The following OXNAD1 variants were observed in gnomAD, a reference collection of about 807,000 sequenced individuals.
OXNAD1 encodes oxidoreductase NAD-binding domain-containing protein 1.
In OXNAD1, 34 loss-of-function variants were observed where a neutral mutation model predicts 32.9. The observed-to-expected ratio is 1.03, with a 90% CI of 0.79 to 1.38. OXNAD1 has a LOEUF of 1.38. OXNAD1 is among the 40% of genes most tolerant of loss of function. The pLI is 0.00. For missense variants in OXNAD1, 407 were observed against 379.4 expected, an observed-to-expected ratio of 1.07 and a Z score of -0.60; for synonymous variants, 134 against 135.2, an observed-to-expected ratio of 0.99 and a Z score of 0.06.
Position 16,346,796 on chromosome 3 carries a change from CCA to C in OXNAD1, c.*31-2377_*31-2376del, listed in dbSNP as rs1464988631. Among the ~76,000 whole-genome samples, 13 of 152,220 alleles carry C rather than the reference CCA, an allele frequency of 8.5e-5. No homozygotes were observed. Among genetic ancestry groups the C allele is most frequent in the South Asian group, 2.1e-4 (1 of 4,822 alleles). On this transcript the variant is annotated intron_variant, in intron 9 of 9. Coordinates refer to the OXNAD1 transcript ENST00000606098. The surrounding 1 kb of genome is among the most constrained non-coding windows in gnomAD (Gnocchi z 4.4). ...CATTTGCATGAGACACCTAGAATTG[CCA>C]CAGTCACCTTGTGAGGAGGATCATA...
In OXNAD1 at chr3:16,289,347, A is replaced by G. The variant is rs76046459; in HGVS notation, c.290+2899A>G. ...ACCACTGATGCCCCAGTCAGTACTC[A>G]ATCCACACTTGGCTGGGTATAGCTT... On this transcript the variant is annotated intron_variant, in intron 5 of 8. Transcript: ENST00000285083. The surrounding 1 kb of genome is among the most constrained non-coding windows in gnomAD (Gnocchi z 4.9). 0.021 allele frequency among the ~76,000 whole-genome samples: 3,136 copies of G among 152,226 alleles called. 53 individuals are homozygous for G. Among genetic ancestry groups the G allele is most frequent in the South Asian group, 0.046 (221 of 4,814 alleles).
Position 16,314,701 on chromosome 3 carries a change from T to C in OXNAD1, c.*30+11109T>C, listed in dbSNP as rs572028621. 2 of 152,100 alleles carry C rather than the reference T, an allele frequency of 1.3e-5. No homozygotes were observed. Among genetic ancestry groups the C allele is most frequent in the Non-Finnish European group, 2.9e-5 (2 of 68,022 alleles). 9.4% of individuals were successfully genotyped at this position (152,100 alleles called of 1,614,324 possible). On this transcript the variant is annotated intron_variant, in intron 9 of 9. Transcript: ENST00000435829. This position sits in a 1 kb window ranked among gnomAD's most constrained non-coding sequence, Gnocchi z 4.4. ...CTCTCTTGAGGAATTCAAATTATTGTCACCTTTTTTTCCCCATAGCAAATA... is the reference window on the plus strand; with the variant it reads ...CTCTCTTGAGGAATTCAAATTATTGCCACCTTTTTTTCCCCATAGCAAATA...
downstream of OXNAD1, among the ~76,000 whole-genome samples, chr3:16,351,369 T>C (rs1399450188): frequency 6.6e-6 from 1 of 152,160 alleles, no homozygotes; most frequent in Non-Finnish European, 1.5e-5. The surrounding 1 kb of genome is among the most constrained non-coding windows in gnomAD (Gnocchi z 5.4). Flanking sequence ...AAGGATGATA[T>C]ATCCATGATC....
chr3:16,287,446 G>T lies in OXNAD1; in HGVS notation c.290+998G>T, dbSNP rs571230136. ...ATTTGGGTTTGTGAAGCAATTTACT[G>T]CAATCTTTGCACATGTTCGATGATA... On this transcript the variant is annotated intron_variant, in intron 5 of 8. Coordinates refer to ENST00000285083, the MANE Select transcript of OXNAD1 (RefSeq NM_138381.5). This position sits in a 1 kb window ranked among gnomAD's most constrained non-coding sequence, Gnocchi z 4.8. 6.6e-6 allele frequency among the ~76,000 whole-genome samples: 1 copy of T among 152,176 alleles called. No homozygotes were observed. The highest frequency in any genetic ancestry group is 1.5e-5 in the Non-Finnish European group (1 of 68,028).
downstream of OXNAD1, among the ~76,000 whole-genome samples, chr3:16,307,751 G>T (rs1044318116): frequency 7.1e-6 from 1 of 140,860 alleles, no homozygotes; most frequent in Admixed American, 7.2e-5. Flanking sequence ...TTGTTTTGAA[G>T]TAATTTTAGA....
At position 16,321,122 on chromosome 3, in the gene OXNAD1, G is replaced by A. The variant is rs543895567; in HGVS notation, c.*31-15990G>A. Among the ~76,000 whole-genome samples, 4 of 152,238 alleles carry A rather than the reference G, an allele frequency of 2.6e-5. No homozygotes were observed. In the South Asian group the frequency reaches 6.2e-4, roughly 24 times the overall value. On this transcript the variant is annotated intron_variant, in intron 9 of 9. Coordinates refer to the OXNAD1 transcript ENST00000435829. This position sits in a 1 kb window ranked among gnomAD's most constrained non-coding sequence, Gnocchi z 4.8. Reference sequence around the variant, plus strand: ...GCAGGGATAGCCCCTAAGGTGCAATGCCATTCCTCTAGATAGGGTGGCGGT... The same window carrying A: ...GCAGGGATAGCCCCTAAGGTGCAATACCATTCCTCTAGATAGGGTGGCGGT...
In OXNAD1 at chr3:16,345,837, C is replaced by T. The variant is rs922074123; in HGVS notation, c.*31-3339C>T. ...GTGTGTGCGCGCGCGCGTGCGCGCA[C>T]GCGCACATGTGCATGTGTATGTGTA... On this transcript the variant is annotated intron_variant, in intron 9 of 9. Transcript: ENST00000606098. This position sits in a 1 kb window ranked among gnomAD's most constrained non-coding sequence, Gnocchi z 5.2. Among the ~76,000 whole-genome samples, 29 of 29,688 alleles carry T rather than the reference C, an allele frequency of 9.8e-4. No individual in the cohort carries two copies. The highest frequency in any genetic ancestry group is 1.4e-3 in the Admixed American group (5 of 3,636). 19.5% of individuals were successfully genotyped at this position (29,688 alleles called of 152,430 possible). A position where few individuals can be genotyped will look rare whatever the true frequency, so the allele number is the denominator to read the frequency against.
Position 16,321,032 on chromosome 3 carries a change from C to T in OXNAD1, c.*31-16080C>T, listed in dbSNP as rs977295236. On this transcript the variant is annotated intron_variant, in intron 9 of 9. Transcript: ENST00000435829. The surrounding 1 kb of genome is among the most constrained non-coding windows in gnomAD (Gnocchi z 4.8). Reference sequence around the variant, plus strand: ...GAGAAGTGGAGGGATTCCAGAGCCTCCGGGACCTAACACAGATGGGTCTTA... The same window carrying T: ...GAGAAGTGGAGGGATTCCAGAGCCTTCGGGACCTAACACAGATGGGTCTTA... Among the ~76,000 whole-genome samples the T allele has an allele frequency of 1.6e-4, 25 of 152,178 alleles. No homozygotes were observed. The highest frequency in any genetic ancestry group is 2.6e-4 in the Admixed American group (4 of 15,290).
At position 16,271,586 on chromosome 3, in the gene OXNAD1, A is replaced by G. The variant is rs952828542; in HGVS notation, c.120-73A>G. On this transcript the variant is annotated intron_variant, in intron 3 of 8. Transcript: ENST00000285083. The surrounding 1 kb of genome is among the most constrained non-coding windows in gnomAD (Gnocchi z 4.6). ...ACACTGTATTTAGGATAACCATGATATTTCAGGAAAAACTAATTTTATTAT... is the reference window on the plus strand; with the variant it reads ...ACACTGTATTTAGGATAACCATGATGTTTCAGGAAAAACTAATTTTATTAT... 8.1e-7 allele frequency: 1 copy of G among 1,232,534 alleles called. No homozygotes were observed. The allele number at this position is 1,232,534 out of a possible 1,614,324, so 76.3% of individuals were successfully genotyped here.
intron 4 of OXNAD1, among the ~76,000 whole-genome samples, chr3:16,282,367 T>TAA (rs60328037): frequency 1.4e-5 from 2 of 145,646 alleles, no homozygotes. Flanking sequence ...CCACCCAGCT[T>TAA]AAAAAAAAAA....
chr3:16,332,555 C>G (rs1393316223), intron 9 of OXNAD1, among the ~76,000 whole-genome samples: 1 of 152,076 alleles, frequency 6.6e-6, no homozygotes. Flanking sequence ...AGGGATCTTA[C>G]CACGCCACGT....
chr3:16,341,478 A>G (rs566053099), downstream of OXNAD1, among the ~76,000 whole-genome samples: 6 of 152,364 alleles, frequency 3.9e-5, no homozygotes, highest in South Asian at 8.3e-4. This position sits in a 1 kb window ranked among gnomAD's most constrained non-coding sequence, Gnocchi z 4.7. Flanking sequence ...CTAAAAAGCA[A>G]TGAGCTCTCA....
At chr3:16,295,624 C>T (rs1020443091) in intron 6 of OXNAD1, among the ~76,000 whole-genome samples, 4 of 152,164 alleles carry the variant, frequency 2.6e-5, no homozygotes, top group Non-Finnish European at 5.9e-5. Context: ...ATCAGTTACT[C>T]GTTGTCTTAG....
At chr3:16,351,753 G>A (rs2072118831), downstream of OXNAD1, among the ~76,000 whole-genome samples, 1 of 152,102 alleles carries the variant, frequency 6.6e-6, no homozygotes, top group South Asian at 2.1e-4. The surrounding 1 kb of genome is among the most constrained non-coding windows in gnomAD (Gnocchi z 5.4). Context: ...TAAACTATAA[G>A]TGCAAAAACA....
chr3:16,307,567 A>T (rs541014628), downstream of OXNAD1, among the ~76,000 whole-genome samples: 1 of 151,650 alleles, frequency 6.6e-6, no homozygotes, highest in South Asian at 2.1e-4. Flanking sequence ...GAGTGAAAAC[A>T]GTGAAATAGG....
intron 9 of OXNAD1, among the ~76,000 whole-genome samples, chr3:16,333,151 C>T (rs1279768551): frequency 6.6e-6 from 1 of 152,198 alleles, no homozygotes; most frequent in Non-Finnish European, 1.5e-5. Context: ...CACTAGGCAA[C>T]AGTACTTCAG....
intron 9 of OXNAD1, among the ~76,000 whole-genome samples, chr3:16,313,323 G>C (rs1183808689): frequency 6.6e-6 from 1 of 151,130 alleles, no homozygotes; most frequent in African/African-American, 2.4e-5. Flanking sequence ...GACTATAGGC[G>C]TGAGCCACCA....
intron 9 of OXNAD1, among the ~76,000 whole-genome samples, chr3:16,333,442 C>T (rs1575016949): frequency 6.6e-6 from 1 of 152,036 alleles, no homozygotes; most frequent in Non-Finnish European, 1.5e-5. Flanking sequence ...TTTGCAAATA[C>T]AGAATCTGAG....
rs773461956 is a variant in OXNAD1, at chr3:16,301,795, A to G, written c.602A>G (p.Lys201Arg). 3.7e-6 allele frequency: 6 copies of G among 1,613,990 alleles called. No individual in the cohort carries two copies. Among genetic ancestry groups the G allele is most frequent in the Admixed American group, 1.7e-5 (1 of 59,994 alleles). ...GATCTCCTCAGAGAGCAGGCAAACAAAAGAAATGGATATGAGATAGGAACA... is the reference window on the plus strand; with the variant it reads ...GATCTCCTCAGAGAGCAGGCAAACAGAAGAAATGGATATGAGATAGGAACA... ...AADLLREQAN[K>R]RNGYEIGTIK... The change falls in exon 7 of 9, where the codon AAA becomes AGA. Residue 201 changes from lysine to arginine, a missense_variant. Transcript: ENST00000285083. The surrounding 1 kb of genome is among the most constrained non-coding windows in gnomAD (Gnocchi z 4.1).
Sources: allele counts gnomAD v4.1 joint callset (sites outside exome capture counted in the v4.1 genomes callset), GRCh38; gene constraint gnomAD v4.1.1; non-coding constraint Gnocchi (gnomAD v3.1); transcripts MANE v1.5; gene names NCBI Gene and HGNC (gene_info 2026-07-23, HGNC 2026-07-21).